Variants in DOCK10 observed in about 807,000 individuals in gnomAD.
The protein encoded by DOCK10 is dedicator of cytokinesis protein 10.
DOCK10 carries 145 observed loss-of-function variants against 280.1 expected under a neutral mutation model. The observed-to-expected ratio is 0.52, with a 90% confidence interval of 0.45 to 0.59. The LOEUF (loss-of-function observed/expected upper bound fraction) is 0.59. DOCK10 is among the 20% of genes least tolerant of loss of function. The pLI, the probability that DOCK10 is intolerant of heterozygous loss-of-function variation, is 0.00. For missense variants in DOCK10, 2,368 were observed against 2,651.7 expected, an observed-to-expected ratio of 0.89 and a Z score of 2.35; for synonymous variants, 915 against 942.2, an observed-to-expected ratio of 0.97 and a Z score of 0.53.
chr2:224,923,017 T>C (rs1445050570), intron 2 of DOCK10, among the ~76,000 whole-genome samples: 1 of 152,358 alleles, frequency 6.6e-6, no homozygotes, highest in Admixed American at 6.5e-5. Context: ...AGAATGTCCT[T>C]AGATTACATT....
chr2:224,797,241 T>C, intron 42 of DOCK10, 95 bp from the exon 43 acceptor site: 1 of 858,940 alleles, frequency 1.2e-6, no homozygotes, highest in Non-Finnish European at 1.6e-6. Context: ...AAAATCCCTC[T>C]CCTTTTTTTT....
At chr2:224,864,748 TA>T in intron 12 of DOCK10, 73 bp from the exon 13 acceptor site, 1 of 1,575,676 alleles carries the variant, frequency 6.3e-7, no homozygotes, top group East Asian at 2.2e-5. Context: ...TCCATTTTTT[TA>T]AAAAAGGACA....
At chr2:224,978,261 C>T (rs535206178) in intron 1 of DOCK10, among the ~76,000 whole-genome samples, 5 of 152,050 alleles carry the variant, frequency 3.3e-5, no homozygotes, top group East Asian at 1.9e-4. Context: ...GGTGATACCT[C>T]GTCTCTATTA....
At chr2:224,978,477 T>A (rs1705562460) in intron 1 of DOCK10, among the ~76,000 whole-genome samples, 1 of 151,880 alleles carries the variant, frequency 6.6e-6, no homozygotes, top group Non-Finnish European at 1.5e-5. Context: ...AGGGTCAAGG[T>A]CAAAGCAAGG....
At chr2:224,867,780 A>G (rs535853308) in intron 11 of DOCK10, among the ~76,000 whole-genome samples, 107 of 152,342 alleles carry the variant, frequency 7.0e-4, no homozygotes, top group Non-Finnish European at 1.4e-3. Flanking sequence ...GTATGACCAA[A>G]GAGCTTGGAT....
intron 25 of DOCK10, 123 bp downstream of exon 25, chr2:224,837,639 G>T: frequency 1.4e-6 from 1 of 729,438 alleles, no homozygotes; most frequent in Non-Finnish European, 2.4e-6. Context: ...GCAAATTCCT[G>T]ATATTACTGT....
At chr2:224,984,189 C>T (rs576786330) in intron 1 of DOCK10, among the ~76,000 whole-genome samples, 7 of 152,238 alleles carry the variant, frequency 4.6e-5, no homozygotes, top group Admixed American at 4.6e-4. Context: ...AGTTTGCAGG[C>T]AGCAAGCTGC....
At chr2:224,880,539 C>T (rs1363466025) in intron 7 of DOCK10, among the ~76,000 whole-genome samples, 1 of 152,130 alleles carries the variant, frequency 6.6e-6, no homozygotes, top group Non-Finnish European at 1.5e-5. Context: ...CCAAATTTTC[C>T]TCTATTTCTC....
intron 27 of DOCK10, among the ~76,000 whole-genome samples, chr2:224,829,304 T>C (rs999557813): frequency 1.3e-5 from 2 of 152,212 alleles, no homozygotes; most frequent in Non-Finnish European, 2.9e-5. Flanking sequence ...GTCATGTAAC[T>C]GGTCCCAAAT....
At chr2:224,826,922 C>T (rs1694904950) in intron 27 of DOCK10, among the ~76,000 whole-genome samples, 1 of 151,466 alleles carries the variant, frequency 6.6e-6, no homozygotes. Flanking sequence ...ATGATTGTGC[C>T]ACTGCACTCC....
rs946518212 is a variant in DOCK10, at chr2:224,789,078, T to A, written c.5404A>T (p.Thr1802Ser). The change falls in exon 48 of 56, where the codon ACA (threonine) becomes TCA (serine). Residue 1802 changes from threonine (T) to serine (S), a missense_variant. This residue lies in a region of DOCK10 where 1,159 missense variants were observed against 1,400.8 expected (regional missense o/e 0.83). Coordinates refer to ENST00000258390, the MANE Select transcript of DOCK10 (RefSeq NM_014689.3). Reference protein sequence around the residue: ...AMKEDSGMQDTPYNENILVEQ... With the variant: ...AMKEDSGMQDSPYNENILVEQ... ...TTTGGTCTAACCTCATTGTATGGTG[T>A]ATCTTGCATTCCAGAATCCTCTTTC... The A allele has an allele frequency of 2.5e-6, 4 of 1,612,890 alleles. No individual in the cohort carries two copies. Among genetic ancestry groups the A allele is most frequent in the Admixed American group, 1.7e-5 (1 of 59,970 alleles).
In DOCK10 at chr2:224,844,789, T is replaced by G; in HGVS notation, c.2532A>C (p.Lys844Asn). The change falls in exon 22 of 56, where the codon AAA becomes AAC. Residue 844 changes from lysine to asparagine, a missense_variant. Physicochemically the swap from Lys to Asn is moderately conservative, Grantham distance 94. Around this residue, in one of 2 missense-constraint regions of DOCK10, gnomAD observed 1,209 missense variants for 1,250.9 expected, o/e 0.97. Coordinates refer to ENST00000258390, the MANE Select transcript of DOCK10 (RefSeq NM_014689.3). ...CTGTTGATACAACAAATGTCGACAC[T>G]TTGAAAAGTGGTTTGCCACCATCAA... ...KWVDGGKPLFKVSTFVVSTVN... is the reference protein window; with the variant it reads ...KWVDGGKPLFNVSTFVVSTVN... The G allele has an allele frequency of 6.2e-7, 1 of 1,605,258 alleles. No homozygotes were observed. The highest frequency in any genetic ancestry group is 8.5e-7 in the Non-Finnish European group (1 of 1,175,532).
Position 224,830,602 on chromosome 2 carries a change from A to G in DOCK10, c.2975T>C (p.Phe992Ser). 1 of 1,530,530 alleles carries G rather than the reference A, an allele frequency of 6.5e-7. No homozygotes were observed. Among genetic ancestry groups the G allele is most frequent in the Non-Finnish European group, 8.8e-7 (1 of 1,133,204 alleles). The allele number at this position is 1,530,530 out of a possible 1,614,324, so 94.8% of individuals were successfully genotyped here. A position where few individuals can be genotyped will look rare whatever the true frequency, so the allele number is the denominator to read the frequency against. Reference protein sequence around the residue: ...TVKHVLKHSWFFFAIILKSMA... With the variant: ...TVKHVLKHSWSFFAIILKSMA... Reference sequence around the variant, plus strand: ...CGATTTTAGGATAATTGCAAAGAAGAACCAGGAATGCTGTTGGGAAAAAAA... The same window carrying G: ...CGATTTTAGGATAATTGCAAAGAAGGACCAGGAATGCTGTTGGGAAAAAAA... Residue 992 changes from phenylalanine to serine, a missense_variant, in exon 27 of 56, where the codon TTC becomes TCC. Coordinates refer to ENST00000258390, the MANE Select transcript of DOCK10 (RefSeq NM_014689.3).
chr2:224,867,032 A>T (rs1293914433), intron 11 of DOCK10, among the ~76,000 whole-genome samples: 1 of 151,890 alleles, frequency 6.6e-6, no homozygotes, highest in Non-Finnish European at 1.5e-5. Flanking sequence ...TGTCACAGGG[A>T]TATCATTGCT....
chr2:224,884,190 A>T (rs1354782494), intron 7 of DOCK10, among the ~76,000 whole-genome samples: 1 of 152,200 alleles, frequency 6.6e-6, no homozygotes, highest in East Asian at 1.9e-4. Flanking sequence ...TTTTCCTTTT[A>T]AAGTTCAGCT....
chr2:224,910,178 A>G (rs191828413), intron 3 of DOCK10, among the ~76,000 whole-genome samples: 133 of 152,304 alleles, frequency 8.7e-4, no homozygotes, highest in African/African-American at 2.9e-3. Context: ...TGCTTAATAC[A>G]CTTGTGGTAG....
chr2:225,013,248 T>C (rs1225706474), intron 1 of DOCK10, among the ~76,000 whole-genome samples: 1 of 152,140 alleles, frequency 6.6e-6, no homozygotes, highest in African/African-American at 2.4e-5. Context: ...AGTTAGTATA[T>C]AAAATTTTCA....
At chr2:224,993,308 G>T (rs184643289) in intron 1 of DOCK10, among the ~76,000 whole-genome samples, 20 of 151,914 alleles carry the variant, frequency 1.3e-4, no homozygotes, top group Non-Finnish European at 2.8e-4. Context: ...GTGGAGAAAT[G>T]GGAATGGTAG....
rs1204406068 is a variant in DOCK10 at position 224,889,368 on chromosome 2, C to A, written c.417-2837G>T. Among the ~76,000 whole-genome samples, 4 of 152,298 alleles carry A rather than the reference C, an allele frequency of 2.6e-5. No homozygotes were observed. The East Asian group carries it at 7.7e-4, about 29-fold the overall frequency. ...AAGGAACATTGGCCTCACTGTTAAA[C>A]TATGAAAAGCCTGAGATCAGAACCA... On this transcript the variant is annotated intron_variant, in intron 4 of 55. Transcript: ENST00000258390.
Sources: gnomAD v4.1 joint callset for allele counts (sites outside exome capture counted in the v4.1 genomes callset) on GRCh38, gnomAD v4.1.1 for gene constraint, gnomAD v4.1.1 regional missense constraint, MANE v1.5 for transcripts, NCBI Gene and HGNC (gene_info 2026-07-23, HGNC 2026-07-21) for gene names.